The following FER1L6 variants were observed in gnomAD, a reference collection of about 807,000 sequenced individuals.
The protein encoded by FER1L6 is fer-1 like family member 6, also known as fer-1-like protein 6.
FER1L6 carries 177 observed loss-of-function variants against 219.2 expected under a neutral mutation model. The observed-to-expected ratio is 0.81, with a 90% CI of 0.71 to 0.91. FER1L6 has a LOEUF of 0.91. Among genes scored for constraint, FER1L6 ranks in the 40% least tolerant of loss-of-function variants. The pLI, the probability that FER1L6 is intolerant of heterozygous loss-of-function variation, is 0.00. For synonymous variants in FER1L6, 768 were observed against 824.3 expected, an observed-to-expected ratio of 0.93 and a Z score of 1.17; for missense variants, 2,153 against 2,259.9, an observed-to-expected ratio of 0.95 and a Z score of 0.96.
rs1010848405 is a variant in FER1L6 at position 124,021,559 on chromosome 8, T to G, written c.2023T>G (p.Cys675Gly). Residue 675 changes from cysteine (C) to glycine (G), a missense_variant, in exon 17 of 41, where the codon TGC becomes GGC. Cys to Gly is a radical substitution (Grantham distance 159). Transcript: ENST00000522917. Reference protein sequence around the residue: ...TLCWQELEAMCKEAKGIIQQQ... With the variant: ...TLCWQELEAMGKEAKGIIQQQ... The stretch of plus-strand genomic sequence containing the variant: ...TCTTGTCTTGTTTTAGGAAGCAATG[T>G]GCAAGGAGGCCAAGGGGATCATTCA... The G allele has an allele frequency of 3.1e-6, 5 of 1,614,108 alleles. No homozygotes were observed. The highest frequency in any genetic ancestry group is 4.2e-6 in the Non-Finnish European group (5 of 1,179,962).
At chr8:123,971,202 C>T (rs1458482943) in intron 6 of FER1L6, among the ~76,000 whole-genome samples, 2 of 152,210 alleles carry the variant, frequency 1.3e-5, no homozygotes, top group Non-Finnish European at 2.9e-5. Context: ...AGCTGACTGT[C>T]AGCAAAGTCC....
intron 12 of FER1L6, among the ~76,000 whole-genome samples, chr8:123,993,224 C>T (rs1433632980): frequency 2.0e-5 from 3 of 151,856 alleles, no homozygotes; most frequent in Non-Finnish European, 4.4e-5. Context: ...GGGCGGATCA[C>T]GAGGTCAGGA....
intron 13 of FER1L6, chr8:124,004,276 G>C (rs1454723899): frequency 6.6e-6 from 1 of 152,156 alleles, no homozygotes; most frequent in African/African-American, 2.4e-5. Context: ...AAAGAAAGTG[G>C]TGTCAAGCAC....
intron 1 of FER1L6, among the ~76,000 whole-genome samples, chr8:123,928,804 G>A (rs1457846512): frequency 6.6e-6 from 1 of 152,196 alleles, no homozygotes; most frequent in East Asian, 1.9e-4. Context: ...TCCTTTCACT[G>A]TTGAAAGTTA....
At chr8:124,043,904 C>T (rs188417966) in intron 20 of FER1L6, among the ~76,000 whole-genome samples, 24 of 152,328 alleles carry the variant, frequency 1.6e-4, no homozygotes, top group East Asian at 3.9e-4. Flanking sequence ...CAGGTCGATA[C>T]GCACTTATTC....
chr8:124,044,376 CAAGAA>C (rs1476242704), intron 20 of FER1L6, among the ~76,000 whole-genome samples: 1 of 152,086 alleles, frequency 6.6e-6, no homozygotes. Flanking sequence ...AGTGAAAAAG[CAAGAA>C]GAGAAGGAAA....
At chr8:123,902,284 G>T (rs1210174701) in intron 1 of FER1L6, among the ~76,000 whole-genome samples, 1 of 152,138 alleles carries the variant, frequency 6.6e-6, no homozygotes, top group African/African-American at 2.4e-5. Flanking sequence ...GTATTCTGGG[G>T]TTGTTAGATG....
chr8:124,039,662 G>A (rs538905440), intron 19 of FER1L6, among the ~76,000 whole-genome samples: 3 of 152,320 alleles, frequency 2.0e-5, no homozygotes, highest in African/African-American at 7.2e-5. Flanking sequence ...CCTGGTGAAA[G>A]CACCAAGGAA....
chr8:124,094,892 G>A lies in FER1L6; in HGVS notation c.4553-4G>A, dbSNP rs949526375. On this transcript the variant is annotated splice_polypyrimidine_tract_variant and splice_region_variant and intron_variant, in intron 34 of 40. Coordinates refer to ENST00000522917, the MANE Select transcript of FER1L6 (RefSeq NM_001039112.2). The stretch of plus-strand genomic sequence containing the variant: ...TCTGACAAGTTTGTCTTTCTTTCCT[G>A]CAGATGAGACAGTGGAGTCTTATGA... The A allele has an allele frequency of 6.2e-7, 1 of 1,613,930 alleles. No homozygotes were observed.
At chr8:123,984,621 A>G (rs927872600) in intron 11 of FER1L6, 1 of 152,076 alleles carries the variant, frequency 6.6e-6, no homozygotes, top group Non-Finnish European at 1.5e-5. Flanking sequence ...TAGTCAGTGG[A>G]TAGAGTGGTA....
At chr8:124,107,794 T>A (rs939881285) in intron 39 of FER1L6, among the ~76,000 whole-genome samples, 24 of 152,166 alleles carry the variant, frequency 1.6e-4, no homozygotes, top group African/African-American at 5.3e-4. Context: ...AGATCCCTCT[T>A]TGTCTTTGGT....
chr8:123,890,796 CTT>C (rs929044281), intron 1 of FER1L6, among the ~76,000 whole-genome samples: 173 of 151,324 alleles, frequency 1.1e-3, no homozygotes, highest in African/African-American at 3.9e-3. Context: ...ATTATTAAGA[CTT>C]ATTTTTACAA....
At chr8:123,855,786 GTGTATATATATATATA>G (rs1277353841) in intron 1 of FER1L6, among the ~76,000 whole-genome samples, 1 of 143,944 alleles carries the variant, frequency 6.9e-6, no homozygotes, top group Non-Finnish European at 1.5e-5. Context: ...ATGTGTGTGT[GTGTATATATATATATA>G]TGTGTATATA....
chr8:124,035,371 ACAACTTG>A lies in FER1L6; in HGVS notation c.2383_2389del (p.Asn795GlnfsTer2). 1.2e-6 allele frequency: 2 copies of A among 1,614,054 alleles called. No homozygotes were observed. The highest frequency in any genetic ancestry group is 1.7e-6 in the Non-Finnish European group (2 of 1,179,978). On this transcript the variant is annotated frameshift_variant, in exon 19 of 41. Coordinates refer to ENST00000522917, the MANE Select transcript of FER1L6 (RefSeq NM_001039112.2). LOFTEE classifies it high-confidence loss of function. ...ATCAAGCATGCCAGTGCCATTTTGGACAACTTGCCAGTAGGCTATGAAGCAGAAATGT... is the reference window on the plus strand; with the variant it reads ...ATCAAGCATGCCAGTGCCATTTTGGACCAGTAGGCTATGAAGCAGAAATGT...
At chr8:123,933,617 C>G (rs1252726860) in intron 1 of FER1L6, among the ~76,000 whole-genome samples, 1 of 152,116 alleles carries the variant, frequency 6.6e-6, no homozygotes, top group Non-Finnish European at 1.5e-5. Flanking sequence ...TTGAATAAGG[C>G]AAGATTTTAG....
At chr8:124,035,006 A>T (rs1360422840) in intron 18 of FER1L6, among the ~76,000 whole-genome samples, 1 of 152,216 alleles carries the variant, frequency 6.6e-6, no homozygotes, top group Non-Finnish European at 1.5e-5. Context: ...ACTACCTATT[A>T]AGTTTAAATG....
chr8:124,089,912 C>T (rs920124618), intron 33 of FER1L6, among the ~76,000 whole-genome samples: 1 of 101,582 alleles, frequency 9.8e-6, no homozygotes, highest in Non-Finnish European at 2.6e-5. Context: ...CTGTAGAATT[C>T]AATCATAGGC....
intron 19 of FER1L6, among the ~76,000 whole-genome samples, chr8:124,039,278 G>C (rs530785587): frequency 1.9e-4 from 29 of 152,300 alleles, no homozygotes; most frequent in Admixed American, 5.2e-4. Context: ...TACACAGTAG[G>C]TGCTCAGAAT....
chr8:124,065,487 G>A (rs1323181410), intron 26 of FER1L6, among the ~76,000 whole-genome samples: 2 of 151,276 alleles, frequency 1.3e-5, no homozygotes, highest in Admixed American at 1.3e-4. Context: ...GAGTGGAAAA[G>A]TGAGATAGAT....
Sources: gnomAD v4.1 joint callset for allele counts (sites outside exome capture counted in the v4.1 genomes callset) on GRCh38, gnomAD v4.1.1 for gene constraint, MANE v1.5 for transcripts, NCBI Gene and HGNC (gene_info 2026-07-23, HGNC 2026-07-21) for gene names.